The following KCNA3 variants were observed in gnomAD, a reference collection of about 807,000 sequenced individuals.
The protein encoded by KCNA3 is potassium voltage-gated channel subfamily A member 3, also known as RP11-284N8.3.
Under a neutral mutation model 34.3 loss-of-function variants are expected in KCNA3, and 18 were observed. That is an observed-to-expected ratio of 0.52 (90% CI 0.36 to 0.78). The LOEUF (loss-of-function observed/expected upper bound fraction) is 0.78. KCNA3 is among the 30% of genes least tolerant of loss of function. KCNA3 has a pLI of 0.00. For missense variants in KCNA3, 587 were observed against 802.5 expected (o/e 0.73, Z 3.24); for synonymous variants, 324 against 351.7 (o/e 0.92, Z 0.88).
At chr1:110,655,194 A>G in the KCNA3 span, 1 of 152,078 alleles carries the variant, frequency 6.6e-6, no homozygotes, top group African/African-American at 2.4e-5. Flanking sequence ...GAGCTTTTAA[A>G]CTGAAATTAT....
chr1:110,659,574 G>A, the KCNA3 span, among the ~76,000 whole-genome samples: 1 of 152,110 alleles, frequency 6.6e-6, no homozygotes, highest in Admixed American at 6.5e-5. Flanking sequence ...TATATGGGGG[G>A]CTCTTCAGGG....
At chr1:110,671,050 A>G (rs1174330586), downstream of KCNA3, among the ~76,000 whole-genome samples, 2 of 152,202 alleles carry the variant, frequency 1.3e-5, no homozygotes, top group East Asian at 3.8e-4. Context: ...CTTATTTTTA[A>G]CCCTTTTTTG....
chr1:110,672,021 A>G (rs1396184424), downstream of KCNA3, among the ~76,000 whole-genome samples: 1 of 152,146 alleles, frequency 6.6e-6, no homozygotes, highest in Non-Finnish European at 1.5e-5. Context: ...CTCAGACTTA[A>G]CTTTATTTTT....
the KCNA3 span, among the ~76,000 whole-genome samples, chr1:110,664,651 T>A: frequency 6.6e-6 from 1 of 152,236 alleles, no homozygotes; most frequent in East Asian, 1.9e-4. Context: ...GGGCACCAAC[T>A]GTATTTCAGG....
Position 110,673,957 on chromosome 1 carries a change from G to A in KCNA3, c.853C>T (p.Arg285Cys), listed in dbSNP as rs543492829. Residue 285 changes from arginine to cysteine, a missense_variant, in exon 1 of 1, where the codon CGC becomes TGC. This residue lies in a region of KCNA3 where 50 missense variants were observed against 45.3 expected (regional missense o/e 1.10). Transcript: ENST00000369769. The surrounding 1 kb of genome is among the most constrained non-coding windows in gnomAD (Gnocchi z 8.8). ...EAAGNSTSGS[R>C]AGASSFSDPF... ...TCGGAGAAGCTGGAGGCTCCTGCGCGGGACCCCGACGTGCTGTTGCCGGCT... is the reference window on the plus strand; with the variant it reads ...TCGGAGAAGCTGGAGGCTCCTGCGCAGGACCCCGACGTGCTGTTGCCGGCT... The A allele has an allele frequency of 1.2e-6, 2 of 1,613,962 alleles. No homozygotes were observed. The highest frequency in any genetic ancestry group is 1.7e-6 in the Non-Finnish European group (2 of 1,180,002).
At chr1:110,670,763 G>C (rs79593948), downstream of KCNA3, among the ~76,000 whole-genome samples, 31 of 152,154 alleles carry the variant, frequency 2.0e-4, 2 homozygotes, top group East Asian at 6.0e-3. Flanking sequence ...TCTATGACCA[G>C]GTATATTTAG....
the KCNA3 span, among the ~76,000 whole-genome samples, chr1:110,660,657 G>A: frequency 1.3e-5 from 2 of 152,152 alleles, no homozygotes; most frequent in African/African-American, 2.4e-5. Flanking sequence ...ACTCTGCACA[G>A]TTATGTACCA....
the KCNA3 span, chr1:110,656,898 A>G: frequency 6.6e-6 from 1 of 152,158 alleles, no homozygotes; most frequent in Non-Finnish European, 1.5e-5. Context: ...TGATCCCATT[A>G]TAGATCAGTG....
chr1:110,673,861 A>AAT lies in KCNA3; in HGVS notation c.948_949insAT (p.Cys317IlefsTer13). The AAT allele has an allele frequency of 6.2e-7, 1 of 1,614,130 alleles. No individual in the cohort carries two copies. The highest frequency in any genetic ancestry group is 8.5e-7 in the Non-Finnish European group (1 of 1,180,024). The stretch of plus-strand genomic sequence containing the variant: ...CGCGAGAAGGTGGCTTTGCTAGGAC[A>AAT]AGCGAAGAACCGCACCAGCAGTTCG... On this transcript the variant is annotated frameshift_variant, in exon 1 of 1. Transcript: ENST00000369769. LOFTEE classifies it high-confidence loss of function. The surrounding 1 kb of genome is among the most constrained non-coding windows in gnomAD (Gnocchi z 8.8).
chr1:110,670,317 A>C (rs974385950), downstream of KCNA3, among the ~76,000 whole-genome samples: 1 of 152,216 alleles, frequency 6.6e-6, no homozygotes, highest in Non-Finnish European at 1.5e-5. Flanking sequence ...TGGTGACTAC[A>C]AGCAATCATA....
chr1:110,664,622 C>T, the KCNA3 span, among the ~76,000 whole-genome samples: 2 of 152,168 alleles, frequency 1.3e-5, no homozygotes, highest in Non-Finnish European at 2.9e-5. Flanking sequence ...CTCATCTCTC[C>T]TTCCAATAGA....
At chr1:110,658,688 T>C in the KCNA3 span, among the ~76,000 whole-genome samples, 1 of 152,076 alleles carries the variant, frequency 6.6e-6, no homozygotes, top group African/African-American at 2.4e-5. Context: ...ATATATAATT[T>C]TGAAGGAAAA....
the KCNA3 span, among the ~76,000 whole-genome samples, chr1:110,662,765 A>G: frequency 2.0e-5 from 3 of 152,212 alleles, no homozygotes; most frequent in African/African-American, 4.8e-5. Flanking sequence ...GCTGTGAGGT[A>G]TAATTGATAC....
Position 110,673,954 on chromosome 1 carries a change from C to T in KCNA3, c.856G>A (p.Ala286Thr). The change falls in exon 1 of 1, where the codon GCA becomes ACA. Residue 286 changes from alanine (A) to threonine (T), a missense_variant. Physicochemically the swap from Ala to Thr is moderately conservative, Grantham distance 58. Transcript: ENST00000369769. This position sits in a 1 kb window ranked among gnomAD's most constrained non-coding sequence, Gnocchi z 8.8. ...GGATCGGAGAAGCTGGAGGCTCCTGCGCGGGACCCCGACGTGCTGTTGCCG... is the reference window on the plus strand; with the variant it reads ...GGATCGGAGAAGCTGGAGGCTCCTGTGCGGGACCCCGACGTGCTGTTGCCG... ...AAGNSTSGSR[A>T]GASSFSDPFF... is the part of the protein sequence containing the mutation. 6.2e-7 allele frequency: 1 copy of T among 1,613,916 alleles called. No homozygotes were observed. The highest frequency in any genetic ancestry group is 8.5e-7 in the Non-Finnish European group (1 of 1,179,980).
the KCNA3 span, among the ~76,000 whole-genome samples, chr1:110,666,672 A>G: frequency 1.3e-5 from 2 of 152,136 alleles, no homozygotes; most frequent in Non-Finnish European, 2.9e-5. Flanking sequence ...GCCACAAGAA[A>G]TGTGAGGATG....
chr1:110,671,583 T>C (rs1474929330), downstream of KCNA3, among the ~76,000 whole-genome samples: 1 of 152,236 alleles, frequency 6.6e-6, no homozygotes, highest in Non-Finnish European at 1.5e-5. Context: ...TTGTCTGCAA[T>C]TCACTCAGTT....
downstream of KCNA3, among the ~76,000 whole-genome samples, chr1:110,667,959 G>T (rs1175091127): frequency 2.6e-5 from 4 of 152,052 alleles, no homozygotes; most frequent in Non-Finnish European, 5.9e-5. Flanking sequence ...GTAAGGTCTG[G>T]GCTCTGATTG....
the KCNA3 span, among the ~76,000 whole-genome samples, chr1:110,658,176 C>A: frequency 1.3e-5 from 2 of 152,178 alleles, no homozygotes; most frequent in Non-Finnish European, 2.9e-5. Flanking sequence ...ATTTATCTAT[C>A]TGTTTCGCTG....
At chr1:110,665,382 G>C in the KCNA3 span, among the ~76,000 whole-genome samples, 3 of 152,074 alleles carry the variant, frequency 2.0e-5, no homozygotes, top group African/African-American at 7.2e-5. Flanking sequence ...CTAAATAAGG[G>C]GTGTAAGAGA....
Sources: allele counts gnomAD v4.1 joint callset (sites outside exome capture counted in the v4.1 genomes callset), GRCh38; gene constraint gnomAD v4.1.1; regional missense constraint gnomAD v4.1.1; non-coding constraint Gnocchi (gnomAD v3.1); transcripts MANE v1.5; gene names NCBI Gene and HGNC (gene_info 2026-07-23, HGNC 2026-07-21).